The following KCNN3 variants were observed in gnomAD, a reference collection of about 807,000 sequenced individuals.
KCNN3 encodes small conductance calcium-activated potassium channel protein 3.
A neutral mutation model predicts 62.9 loss-of-function variants in KCNN3; 16 were observed. That is an observed-to-expected ratio of 0.25 (90% CI 0.17 to 0.39). The LOEUF is 0.39. Ranked by LOEUF, KCNN3 falls within the 10% of genes least tolerant of loss-of-function variation. KCNN3 has a pLI of 1.00. For synonymous variants in KCNN3, 370 were observed against 389.2 expected, an observed-to-expected ratio of 0.95 and a Z score of 0.58; for missense variants, 599 against 949.4, an observed-to-expected ratio of 0.63 and a Z score of 4.85.
intron 3 of KCNN3, among the ~76,000 whole-genome samples, chr1:154,762,298 C>T (rs944445426): frequency 1.3e-5 from 2 of 152,102 alleles, no homozygotes; most frequent in Non-Finnish European, 2.9e-5. Flanking sequence ...GCCCGCCCAC[C>T]GCCAACAATA....
At chr1:154,780,454 T>G (rs12034528) in intron 2 of KCNN3, among the ~76,000 whole-genome samples, 4,562 of 150,842 alleles carry the variant, frequency 0.03, 165 homozygotes, top group East Asian at 0.2. Flanking sequence ...GGAAAAAGCC[T>G]TTTTGTGTAC....
intron 3 of KCNN3, among the ~76,000 whole-genome samples, chr1:154,737,731 A>C (rs568936321): frequency 2.6e-5 from 4 of 152,326 alleles, no homozygotes; most frequent in South Asian, 4.1e-4. Flanking sequence ...GAATTCTCCC[A>C]AAAAGCAGAA....
chr1:154,795,026 T>C (rs1308766712), intron 2 of KCNN3, among the ~76,000 whole-genome samples: 1 of 152,188 alleles, frequency 6.6e-6, no homozygotes, highest in Admixed American at 6.5e-5. Flanking sequence ...AGCTGGGTGG[T>C]TCCATAAGTA....
intron 3 of KCNN3, among the ~76,000 whole-genome samples, chr1:154,765,489 C>T (rs918410512): frequency 6.6e-6 from 1 of 152,108 alleles, no homozygotes; most frequent in Non-Finnish European, 1.5e-5. Context: ...TTTGCTAAAA[C>T]AATTTTAGTT....
chr1:154,866,752 G>A (rs907929435), intron 1 of KCNN3, among the ~76,000 whole-genome samples: 5 of 152,184 alleles, frequency 3.3e-5, no homozygotes, highest in East Asian at 1.9e-4. Flanking sequence ...CTGCCCCCTC[G>A]GTGCACGCCA....
At chr1:154,723,058 C>T (rs961612661) in intron 5 of KCNN3, among the ~76,000 whole-genome samples, 4 of 152,132 alleles carry the variant, frequency 2.6e-5, no homozygotes, top group Non-Finnish European at 4.4e-5. Flanking sequence ...CAATGAGCCA[C>T]TCCAGCTTGA....
chr1:154,824,307 A>G (rs966150887), intron 1 of KCNN3, among the ~76,000 whole-genome samples: 2 of 152,214 alleles, frequency 1.3e-5, no homozygotes, highest in Admixed American at 6.5e-5. Flanking sequence ...GCCTGCAATC[A>G]TTTACTCAGC....
chr1:154,755,594 AG>A (rs1647626905), intron 3 of KCNN3, among the ~76,000 whole-genome samples: 1 of 66,498 alleles, frequency 1.5e-5, no homozygotes, highest in African/African-American at 8.1e-5. Flanking sequence ...GAAAGAAGGG[AG>A]GGAGGGAGGG....
At chr1:154,759,051 G>A in intron 3 of KCNN3, among the ~76,000 whole-genome samples, 1 of 152,166 alleles carries the variant, frequency 6.6e-6, no homozygotes, top group East Asian at 1.9e-4. Flanking sequence ...CAGGTGATCT[G>A]CCCACCTTGG....
intron 1 of KCNN3, among the ~76,000 whole-genome samples, chr1:154,837,247 C>T (rs1263742195): frequency 4.6e-5 from 7 of 152,090 alleles, no homozygotes; most frequent in Non-Finnish European, 8.8e-5. Flanking sequence ...TACAGGCGCA[C>T]GCCACCACCA....
In KCNN3 at chr1:154,708,256, T is replaced by C; in HGVS notation, c.1916A>G (p.Tyr639Cys). ...VDLSKMQNVM[Y>C]DLITELNDRS... ...GTCATTGAGTTCTGTGATTAAGTCA[T>C]ACATGACATTCTGCATCTGTGTGGA... The change falls in exon 8 of 8, where the codon TAT (tyrosine) becomes TGT (cysteine). Residue 639 changes from tyrosine (Y) to cysteine (C), a missense_variant. This residue lies in a region of KCNN3 where 288 missense variants were observed against 557.4 expected (regional missense o/e 0.52). Coordinates refer to ENST00000271915, the MANE Select transcript of KCNN3 (RefSeq NM_002249.6). 6.2e-7 allele frequency: 1 copy of C among 1,613,580 alleles called. No homozygotes were observed. Among genetic ancestry groups the C allele is most frequent in the South Asian group, 1.1e-5 (1 of 91,050 alleles).
At chr1:154,837,196 T>G (rs1651629427) in intron 1 of KCNN3, among the ~76,000 whole-genome samples, 1 of 152,168 alleles carries the variant, frequency 6.6e-6, no homozygotes, top group African/African-American at 2.4e-5. Context: ...CCTCCCAGAT[T>G]CAAGCAATTC....
At chr1:154,733,225 G>T in intron 3 of KCNN3, 81 bp from the exon 4 acceptor site, 1 of 1,435,840 alleles carries the variant, frequency 7.0e-7, no homozygotes, top group Non-Finnish European at 9.8e-7. Context: ...GAGCGGGGAA[G>T]GAAATGAGAT....
At chr1:154,713,595 G>C (rs1700122552) in intron 6 of KCNN3, 62 bp from the exon 7 acceptor site, 1 of 1,371,146 alleles carries the variant, frequency 7.3e-7, no homozygotes, top group Middle Eastern at 1.8e-4. Context: ...AGCCCCACCA[G>C]CAGATCCTCC....
intron 2 of KCNN3, among the ~76,000 whole-genome samples, chr1:154,811,014 G>A (rs1650383591): frequency 6.6e-6 from 1 of 152,202 alleles, no homozygotes; most frequent in Non-Finnish European, 1.5e-5. Context: ...TATGAATACA[G>A]AGCCTAACTA....
chr1:154,783,175 T>C (rs1173564524), intron 2 of KCNN3, among the ~76,000 whole-genome samples: 1 of 149,752 alleles, frequency 6.7e-6, no homozygotes, highest in African/African-American at 2.5e-5. Flanking sequence ...ATCGCACCAC[T>C]GTACTCCAGC....
At chr1:154,797,544 G>C (rs1285953697) in intron 2 of KCNN3, among the ~76,000 whole-genome samples, 1 of 152,164 alleles carries the variant, frequency 6.6e-6, no homozygotes, top group African/African-American at 2.4e-5. Flanking sequence ...TCCGTTCTTT[G>C]TCTGCATCTG....
At chr1:154,758,558 T>C (rs1160644862) in intron 3 of KCNN3, among the ~76,000 whole-genome samples, 1 of 152,118 alleles carries the variant, frequency 6.6e-6, no homozygotes, top group Non-Finnish European at 1.5e-5. Context: ...ACCAGGTGTG[T>C]TAGGGCCAGC....
At chr1:154,713,321 G>A (rs959579496) in intron 7 of KCNN3, 143 bp downstream of exon 7, 1 of 691,076 alleles carries the variant, frequency 1.4e-6, no homozygotes, top group African/African-American at 1.8e-5. Flanking sequence ...TTGAGCCTAG[G>A]TATTTTTGAA....
Sources: gnomAD v4.1 joint callset for allele counts (sites outside exome capture counted in the v4.1 genomes callset) on GRCh38, gnomAD v4.1.1 for gene constraint, gnomAD v4.1.1 regional missense constraint, MANE v1.5 for transcripts, NCBI Gene and HGNC (gene_info 2026-07-23, HGNC 2026-07-21) for gene names.